The following PPIL4 variants were observed in gnomAD, a reference collection of about 807,000 sequenced individuals.
The protein encoded by PPIL4 is peptidylprolyl isomerase like 4.
A neutral mutation model predicts 69.1 loss-of-function variants in PPIL4; 50 were observed. That is an observed-to-expected ratio of 0.72 (90% confidence interval 0.58 to 0.92). PPIL4 has a LOEUF of 0.92. Among genes scored for constraint, PPIL4 ranks in the 40% least tolerant of loss-of-function variants. PPIL4 has a pLI of 0.00. For missense variants in PPIL4, 480 were observed against 587.9 expected (o/e 0.82, Z 1.90); for synonymous variants, 193 against 191.6 (o/e 1.01, Z -0.06).
chr6:149,511,227 T>TAAAA (rs754909559), intron 12 of PPIL4, among the ~76,000 whole-genome samples: 1 of 141,818 alleles, frequency 7.1e-6, no homozygotes, highest in Non-Finnish European at 1.5e-5. Flanking sequence ...AGCTCTGATG[T>TAAAA]AAAAAAAAAA....
chr6:149,536,836 C>A (rs1445697269), intron 4 of PPIL4, among the ~76,000 whole-genome samples: 1 of 151,990 alleles, frequency 6.6e-6, no homozygotes, highest in East Asian at 1.9e-4. Flanking sequence ...ACAGAAGCTA[C>A]AGCAAGTGGC....
intron 8 of PPIL4, among the ~76,000 whole-genome samples, chr6:149,526,293 G>T (rs1777106093): frequency 6.6e-6 from 1 of 151,968 alleles, no homozygotes; most frequent in Non-Finnish European, 1.5e-5. Context: ...AATTAATTTT[G>T]ACATAAATTG....
intron 10 of PPIL4, among the ~76,000 whole-genome samples, chr6:149,519,672 G>A (rs1428058525): frequency 6.6e-6 from 1 of 151,724 alleles, no homozygotes; most frequent in Non-Finnish European, 1.5e-5. Flanking sequence ...GCCTACTTTA[G>A]TCACATTAAT....
chr6:149,524,678 T>C (rs573292839), intron 9 of PPIL4, among the ~76,000 whole-genome samples: 2 of 152,232 alleles, frequency 1.3e-5, no homozygotes, highest in Non-Finnish European at 2.9e-5. Context: ...GGCAGGTGGA[T>C]TGCTTGAGGT....
intron 11 of PPIL4, among the ~76,000 whole-genome samples, chr6:149,513,372 G>A (rs144560302): frequency 0.015 from 1,584 of 109,014 alleles, 46 homozygotes; most frequent in African/African-American, 0.056. Flanking sequence ...GTGACAGAGC[G>A]GGGACTCAGT....
At chr6:149,531,340 G>A in intron 7 of PPIL4, among the ~76,000 whole-genome samples, 1 of 140,578 alleles carries the variant, frequency 7.1e-6, no homozygotes, top group Admixed American at 7.5e-5. Context: ...ACTCCAGCCT[G>A]ATAACAGAGC....
chr6:149,512,380 A>C, intron 11 of PPIL4, 78 bp from the exon 12 acceptor site: 1 of 1,106,302 alleles, frequency 9.0e-7, no homozygotes, highest in Non-Finnish European at 1.3e-6. Context: ...TAAACAAAGG[A>C]GGTCATAAGG....
chr6:149,506,425 T>C (rs1476192509), intron 12 of PPIL4, among the ~76,000 whole-genome samples: 3 of 152,148 alleles, frequency 2.0e-5, no homozygotes, highest in Non-Finnish European at 4.4e-5. Context: ...TGAGCCAAGA[T>C]TGCCCCACTG....
At chr6:149,518,582 CCA>C (rs1258966137) in intron 10 of PPIL4, among the ~76,000 whole-genome samples, 2 of 152,158 alleles carry the variant, frequency 1.3e-5, no homozygotes, top group Non-Finnish European at 2.9e-5. Flanking sequence ...TTTGGCAATT[CCA>C]GAGACTCCAG....
intron 7 of PPIL4, among the ~76,000 whole-genome samples, chr6:149,527,603 C>T (rs1279971289): frequency 6.6e-6 from 1 of 152,208 alleles, no homozygotes; most frequent in African/African-American, 2.4e-5. Context: ...ATGCTACCAT[C>T]TAGCTTAAGA....
intron 7 of PPIL4, among the ~76,000 whole-genome samples, chr6:149,528,980 A>G (rs146249643): frequency 5.3e-5 from 8 of 151,406 alleles, no homozygotes; most frequent in African/African-American, 1.5e-4. Context: ...TGTAATCCCA[A>G]CACTTTGGGA....
chr6:149,538,291 C>T (rs1157863981), intron 4 of PPIL4, among the ~76,000 whole-genome samples: 1 of 151,886 alleles, frequency 6.6e-6, no homozygotes, highest in African/African-American at 2.4e-5. Context: ...TGTTTTCATG[C>T]CTGCTAACAT....
intron 1 of PPIL4, among the ~76,000 whole-genome samples, chr6:149,542,040 A>T (rs528257020): frequency 2.0e-4 from 31 of 152,186 alleles, no homozygotes; most frequent in African/African-American, 7.5e-4. Context: ...AAATAAAATA[A>T]AAGGGCAATA....
At position 149,505,483 on chromosome 6, in the gene PPIL4, G is replaced by A. The variant is rs1776755084; in HGVS notation, c.1449C>T (p.Ser483=). The change falls in exon 13 of 13, where the codon TCC becomes TCT. Residue 483 remains serine, a synonymous_variant. Transcript: ENST00000253329. ...KRDRSRSPKK[S]KDKEKSKYR is the part of the protein sequence containing the mutation. ...TATACTTAGATTTTTCTTTATCTTTGGACTTCTTTGGACTTCTGCTTCGGT... is the reference window on the plus strand; with the variant it reads ...TATACTTAGATTTTTCTTTATCTTTAGACTTCTTTGGACTTCTGCTTCGGT... 1 of 1,612,352 alleles carries A rather than the reference G, an allele frequency of 6.2e-7. No individual in the cohort carries two copies. Among genetic ancestry groups the A allele is most frequent in the Non-Finnish European group, 8.5e-7 (1 of 1,179,556 alleles).
intron 4 of PPIL4, among the ~76,000 whole-genome samples, chr6:149,537,940 G>A (rs1464328542): frequency 1.3e-5 from 2 of 152,064 alleles, no homozygotes; most frequent in African/African-American, 4.8e-5. Context: ...CAGGAGCTCT[G>A]ATGGATATGA....
At chr6:149,506,963 T>A (rs1283899722) in intron 12 of PPIL4, among the ~76,000 whole-genome samples, 3 of 152,224 alleles carry the variant, frequency 2.0e-5, no homozygotes, top group Non-Finnish European at 4.4e-5. Context: ...GTAGAATCCT[T>A]TGCCCCAAAG....
At position 149,531,555 on chromosome 6, in the gene PPIL4, C is replaced by G. The variant is rs983840030; in HGVS notation, c.678+1903G>C. Among the ~76,000 whole-genome samples the G allele has an allele frequency of 2.0e-5, 3 of 150,732 alleles. No individual in the cohort carries two copies. The South Asian group carries it at 6.3e-4, about 32-fold the overall frequency. The stretch of plus-strand genomic sequence containing the variant: ...TCAAAAAAAAAAAAAGGAAAATATT[C>G]TACAAAATAAATGCAACAGATGATA... On this transcript the variant is annotated intron_variant, in intron 7 of 12. Coordinates refer to ENST00000253329, the MANE Select transcript of PPIL4 (RefSeq NM_139126.4).
rs1776963545 is a variant in PPIL4, at chr6:149,517,349, G to A, written c.1079+5C>T. On this transcript the variant is annotated splice_donor_5th_base_variant and intron_variant, in intron 11 of 12. Transcript: ENST00000253329. The stretch of plus-strand genomic sequence containing the variant: ...TATTAACTAACTGATTCTTGGTAAG[G>A]ATACTCCTGTTTGGGCTTTACTTTA... 6.7e-7 allele frequency: 1 copy of A among 1,488,722 alleles called. No individual in the cohort carries two copies. The highest frequency in any genetic ancestry group is 1.7e-5 in the Admixed American group (1 of 59,182). The allele number at this position is 1,488,722 out of a possible 1,614,324, so 92.2% of individuals were successfully genotyped here. A position where few individuals can be genotyped will look rare whatever the true frequency, so the allele number is the denominator to read the frequency against.
chr6:149,512,574 T>A (rs1227609891), intron 11 of PPIL4, among the ~76,000 whole-genome samples: 2 of 152,154 alleles, frequency 1.3e-5, no homozygotes, highest in Non-Finnish European at 2.9e-5. Context: ...GTCAATAATT[T>A]AAAAAATTTA....
Sources: allele counts gnomAD v4.1 joint callset (sites outside exome capture counted in the v4.1 genomes callset), GRCh38; gene constraint gnomAD v4.1.1; transcripts MANE v1.5; gene names NCBI Gene and HGNC (gene_info 2026-07-23, HGNC 2026-07-21).